Variants in QTMAN observed in about 807,000 individuals in gnomAD.
The protein encoded by QTMAN is queuosine-tRNA mannosyltransferase.
At chr2:143,940,288 T>G in the QTMAN span, 1 of 152,266 alleles carries the variant, frequency 6.6e-6, no homozygotes, top group Non-Finnish European at 1.5e-5. Flanking sequence ...TGAGCAGCTC[T>G]GTTTCTCACC....
At chr2:144,225,974 A>G in the QTMAN span, among the ~76,000 whole-genome samples, 2 of 152,208 alleles carry the variant, frequency 1.3e-5, no homozygotes, top group African/African-American at 4.8e-5. Flanking sequence ...ATATTCAGTT[A>G]ATGTATTCTG....
the QTMAN span, among the ~76,000 whole-genome samples, chr2:144,065,398 T>C: frequency 1.3e-5 from 2 of 152,192 alleles, no homozygotes; most frequent in Non-Finnish European, 2.9e-5. Flanking sequence ...TGGACTGCAT[T>C]AAAGGGCTCC....
chr2:144,118,475 A>G, the QTMAN span, among the ~76,000 whole-genome samples: 2 of 152,228 alleles, frequency 1.3e-5, no homozygotes, highest in African/African-American at 2.4e-5. Context: ...AAAACACAGG[A>G]TATGTCTTAT....
At chr2:144,131,065 A>C in the QTMAN span, among the ~76,000 whole-genome samples, 2 of 151,970 alleles carry the variant, frequency 1.3e-5, no homozygotes, top group Non-Finnish European at 2.9e-5. Context: ...AATTATATTT[A>C]TTTGAAAAAA....
the QTMAN span, chr2:144,211,291 C>T: frequency 6.6e-6 from 1 of 152,592 alleles, no homozygotes; most frequent in Non-Finnish European, 1.5e-5. Flanking sequence ...ATTTCCACCC[C>T]TCTGACAGCT....
the QTMAN span, among the ~76,000 whole-genome samples, chr2:143,953,680 T>C: frequency 6.6e-6 from 1 of 151,916 alleles, no homozygotes; most frequent in Admixed American, 6.6e-5. Context: ...ACTTTAAAGA[T>C]ACCACTGTCA....
chr2:144,068,051 AT>A, the QTMAN span, among the ~76,000 whole-genome samples: 1 of 152,222 alleles, frequency 6.6e-6, no homozygotes, highest in Non-Finnish European at 1.5e-5. Flanking sequence ...TGGGAATATG[AT>A]GGTCCCTTAA....
the QTMAN span, among the ~76,000 whole-genome samples, chr2:144,078,691 C>T: frequency 2.0e-5 from 3 of 152,132 alleles, no homozygotes; most frequent in African/African-American, 7.2e-5. Context: ...TATTGACCAG[C>T]TGAGCATTTT....
the QTMAN span, among the ~76,000 whole-genome samples, chr2:144,069,359 C>T: frequency 1.3e-5 from 2 of 150,136 alleles, no homozygotes; most frequent in East Asian, 3.9e-4. Flanking sequence ...TTCTCAAACA[C>T]ATCTCTATTT....
chr2:144,133,044 C>T, the QTMAN span, among the ~76,000 whole-genome samples: 1 of 133,072 alleles, frequency 7.5e-6, no homozygotes. Context: ...AGAACGCAAA[C>T]TGGAAACCCT....
At chr2:144,182,807 TA>T in the QTMAN span, among the ~76,000 whole-genome samples, 3 of 13,102 alleles carry the variant, frequency 2.3e-4, no homozygotes, top group African/African-American at 3.4e-4. Flanking sequence ...ATTATATATA[TA>T]ATATATATAT....
chr2:144,013,798 T>C, the QTMAN span, among the ~76,000 whole-genome samples: 2 of 152,214 alleles, frequency 1.3e-5, no homozygotes, highest in Non-Finnish European at 2.9e-5. Context: ...AAACTATTCC[T>C]TGTTGCCAAA....
the QTMAN span, among the ~76,000 whole-genome samples, chr2:144,278,929 C>A: frequency 6.6e-6 from 1 of 152,116 alleles, no homozygotes; most frequent in African/African-American, 2.4e-5. Flanking sequence ...TACATTATTT[C>A]ATTTAATCCT....
the QTMAN span, among the ~76,000 whole-genome samples, chr2:144,225,629 T>C: frequency 6.6e-6 from 1 of 152,190 alleles, no homozygotes; most frequent in African/African-American, 2.4e-5. Context: ...CTCCTGCTGT[T>C]TCTCCTCTCT....
chr2:144,164,246 T>G, the QTMAN span, among the ~76,000 whole-genome samples: 1 of 151,982 alleles, frequency 6.6e-6, no homozygotes, highest in East Asian at 1.9e-4. Flanking sequence ...TTGCATTTTT[T>G]GTTTTTGGTC....
At chr2:144,236,979 A>C in the QTMAN span, among the ~76,000 whole-genome samples, 1 of 152,148 alleles carries the variant, frequency 6.6e-6, no homozygotes, top group Non-Finnish European at 1.5e-5. Flanking sequence ...TGTTTCAAAT[A>C]ATAATCATGT....
At chr2:144,080,701 T>G in the QTMAN span, among the ~76,000 whole-genome samples, 1 of 152,154 alleles carries the variant, frequency 6.6e-6, no homozygotes, top group Non-Finnish European at 1.5e-5. Context: ...AAAAACTACT[T>G]TTTGCAAGTC....
At chr2:144,221,286 T>C in the QTMAN span, among the ~76,000 whole-genome samples, 1 of 152,164 alleles carries the variant, frequency 6.6e-6, no homozygotes, top group Non-Finnish European at 1.5e-5. Context: ...GGATTAACCC[T>C]GGAAGTTACC....
At chr2:144,135,000 G>T in the QTMAN span, among the ~76,000 whole-genome samples, 2 of 152,266 alleles carry the variant, frequency 1.3e-5, 1 homozygote, top group South Asian at 4.1e-4. Context: ...CTGAGCATTT[G>T]TCTCGCTTCA....
Sources: allele counts gnomAD v4.1 joint callset (sites outside exome capture counted in the v4.1 genomes callset), GRCh38; gene constraint gnomAD v4.1.1; transcripts MANE v1.5; gene names NCBI Gene and HGNC (gene_info 2026-07-23, HGNC 2026-07-21).